The following TNFSF13 variants were observed in gnomAD, a reference collection of about 807,000 sequenced individuals.
TNFSF13 encodes tumor necrosis factor ligand superfamily member 13.
In TNFSF13, 18 loss-of-function variants were observed where a neutral mutation model predicts 30.7. That is an observed-to-expected ratio of 0.59 (90% confidence interval 0.41 to 0.87). TNFSF13 has a LOEUF of 0.87. Among genes scored for constraint, TNFSF13 ranks in the 40% least tolerant of loss-of-function variants. TNFSF13 has a pLI of 0.00. For synonymous variants in TNFSF13, 116 were observed against 123.2 expected, an observed-to-expected ratio of 0.94 and a Z score of 0.39; for missense variants, 286 against 308.8, an observed-to-expected ratio of 0.93 and a Z score of 0.55.
chr17:7,560,551 CT>C, intron 5 of TNFSF13, 63 bp downstream of exon 5: 2 of 1,611,548 alleles, frequency 1.2e-6, no homozygotes, highest in Non-Finnish European at 1.7e-6. Flanking sequence ...GTGCAGGGAG[CT>C]ACCGCTAGGA....
chr17:7,558,882 C>T lies in TNFSF13; in HGVS notation c.-158C>T. On this transcript the variant is annotated 5_prime_UTR_variant, in exon 1 of 6. Coordinates refer to ENST00000338784, the MANE Select transcript of TNFSF13 (RefSeq NM_003808.4). This position sits in a 1 kb window ranked among gnomAD's most constrained non-coding sequence, Gnocchi z 4.3. ...GAGCACTAACAGTACCCTTAGCTTG[C>T]TTTCCTCCTCCCTCCTTTTTATTTT... 1 of 728,900 alleles carries T rather than the reference C, an allele frequency of 1.4e-6. No homozygotes were observed. Among genetic ancestry groups the T allele is most frequent in the Non-Finnish European group, 2.1e-6 (1 of 481,178 alleles). 45.2% of individuals were successfully genotyped at this position (728,900 alleles called of 1,614,324 possible).
rs1403043532 is a variant in TNFSF13, at chr17:7,559,799, A to G, written c.338-47A>G. 1 of 1,614,092 alleles carries G rather than the reference A, an allele frequency of 6.2e-7. No individual in the cohort carries two copies. Among genetic ancestry groups the G allele is most frequent in the Non-Finnish European group, 8.5e-7 (1 of 1,180,010 alleles). ...TGAGGGTGGAGGCTGCCAACAGCAC[A>G]ACGGGGGAAAGTGGATGCGGCTGAG... is the stretch of plus-strand genomic sequence containing the variant. On this transcript the variant is annotated intron_variant, in intron 2 of 5. Coordinates refer to ENST00000338784, the MANE Select transcript of TNFSF13 (RefSeq NM_003808.4). The surrounding 1 kb of genome is among the most constrained non-coding windows in gnomAD (Gnocchi z 5.4).
chr17:7,559,003 C>A lies in TNFSF13; in HGVS notation c.-37C>A. The A allele has an allele frequency of 6.7e-7, 1 of 1,492,090 alleles. No homozygotes were observed. The allele number at this position is 1,492,090 out of a possible 1,614,324, so 92.4% of individuals were successfully genotyped here. A position where few individuals can be genotyped will look rare whatever the true frequency, so the allele number is the denominator to read the frequency against. ...GCCCCGCCACCTCCTTGCTACCCCA[C>A]TCTTGAAACCACAGCTGTTGGCAGG... On this transcript the variant is annotated 5_prime_UTR_variant, in exon 1 of 6. Coordinates refer to ENST00000338784, the MANE Select transcript of TNFSF13 (RefSeq NM_003808.4). The surrounding 1 kb of genome is among the most constrained non-coding windows in gnomAD (Gnocchi z 5.4).
chr17:7,561,203 GCTAGGGAAAACC>G lies in TNFSF13; in HGVS notation c.*372_*383del. 1.3e-6 allele frequency: 1 copy of G among 776,984 alleles called. No homozygotes were observed. The highest frequency in any genetic ancestry group is 2.1e-6 in the Non-Finnish European group (1 of 476,818). 48.1% of individuals were successfully genotyped at this position (776,984 alleles called of 1,614,324 possible). On this transcript the variant is annotated 3_prime_UTR_variant, in exon 6 of 6. Transcript: ENST00000338784. The surrounding 1 kb of genome is among the most constrained non-coding windows in gnomAD (Gnocchi z 4.4). ...GCCGAAGTCCACGAAGCCGCCCTCT[GCTAGGGAAAACC>G]CCTGGTTCTCCATGCCACACCTCTC... is the stretch of plus-strand genomic sequence containing the variant.
In TNFSF13 at chr17:7,561,206, A is replaced by G. The variant is rs1413448562; in HGVS notation, c.*373A>G. 6 of 745,522 alleles carry G rather than the reference A, an allele frequency of 8.0e-6. No homozygotes were observed. In the Admixed American group the frequency reaches 1.3e-4, roughly 16 times the overall value. The allele number at this position is 745,522 out of a possible 1,614,324, so 46.2% of individuals were successfully genotyped here. A position where few individuals can be genotyped will look rare whatever the true frequency, so the allele number is the denominator to read the frequency against. The stretch of plus-strand genomic sequence containing the variant: ...GAAGTCCACGAAGCCGCCCTCTGCT[A>G]GGGAAAACCCCTGGTTCTCCATGCC... On this transcript the variant is annotated 3_prime_UTR_variant, in exon 6 of 6. Transcript: ENST00000338784. This position sits in a 1 kb window ranked among gnomAD's most constrained non-coding sequence, Gnocchi z 4.4.
chr17:7,559,793 C>G lies in TNFSF13; in HGVS notation c.338-53C>G. 1 of 1,614,058 alleles carries G rather than the reference C, an allele frequency of 6.2e-7. No homozygotes were observed. Among genetic ancestry groups the G allele is most frequent in the South Asian group, 1.1e-5 (1 of 91,070 alleles). On this transcript the variant is annotated intron_variant, in intron 2 of 5. Transcript: ENST00000338784. This position sits in a 1 kb window ranked among gnomAD's most constrained non-coding sequence, Gnocchi z 5.4. ...TCAGGGTGAGGGTGGAGGCTGCCAA[C>G]AGCACAACGGGGGAAAGTGGATGCG...
Position 7,559,947 on chromosome 17 carries a change from G to A in TNFSF13, c.385+54G>A. The A allele has an allele frequency of 1.2e-6, 2 of 1,613,970 alleles. No homozygotes were observed. The highest frequency in any genetic ancestry group is 1.7e-6 in the Non-Finnish European group (2 of 1,180,014). The stretch of plus-strand genomic sequence containing the variant: ...GGGAGGGGCAATAACCAGGAACTCG[G>A]GCTGGCACTTGGGCTCAAGGGGTCC... On this transcript the variant is annotated intron_variant, in intron 3 of 5. Coordinates refer to ENST00000338784, the MANE Select transcript of TNFSF13 (RefSeq NM_003808.4). This position sits in a 1 kb window ranked among gnomAD's most constrained non-coding sequence, Gnocchi z 5.4.
Position 7,560,857 on chromosome 17 carries a change from A to C in TNFSF13, c.*24A>C. 1 of 1,613,814 alleles carries C rather than the reference A, an allele frequency of 6.2e-7. No homozygotes were observed. The highest frequency in any genetic ancestry group is 8.5e-7 in the Non-Finnish European group (1 of 1,179,758). On this transcript the variant is annotated 3_prime_UTR_variant, in exon 6 of 6. Coordinates refer to ENST00000338784, the MANE Select transcript of TNFSF13 (RefSeq NM_003808.4). ...GATTGTGTTATAAAAAGTGGCTCCC[A>C]GCTTGGAAGACCAGGGTGGGTACAT...
Position 7,560,158 on chromosome 17 carries a change from G to GTATAGC in TNFSF13, c.496_501dup (p.Tyr166_Ser167dup). 1.2e-6 allele frequency: 2 copies of GTATAGC among 1,614,136 alleles called. No individual in the cohort carries two copies. Among genetic ancestry groups the GTATAGC allele is most frequent in the Non-Finnish European group, 1.7e-6 (2 of 1,180,024 alleles). On this transcript the variant is annotated inframe_insertion, in exon 4 of 6. Transcript: ENST00000338784. ...TCCAGGATGCTGGAGTTTATCTGCT[G>GTATAGC]TATAGCCAGGTAACCCCAGCCACAC...
At position 7,559,559 on chromosome 17, in the gene TNFSF13, T is replaced by A; in HGVS notation, c.259-65T>A. ...AGGCATCTCGGGGGCAGGGGAGGGC[T>A]GGGAAGGCAGGCTGGCTGGGACCCT... On this transcript the variant is annotated intron_variant, in intron 1 of 5. Coordinates refer to ENST00000338784, the MANE Select transcript of TNFSF13 (RefSeq NM_003808.4). The surrounding 1 kb of genome is among the most constrained non-coding windows in gnomAD (Gnocchi z 5.4). 6.3e-7 allele frequency: 1 copy of A among 1,575,600 alleles called. No homozygotes were observed.
rs2071171178 is a variant in TNFSF13 at position 7,560,416 on chromosome 17, G to C, written c.571G>C (p.Glu191Gln). 1 of 1,614,076 alleles carries C rather than the reference G, an allele frequency of 6.2e-7. No homozygotes were observed. The highest frequency in any genetic ancestry group is 1.7e-5 in the Admixed American group (1 of 59,990). Residue 191 changes from glutamate (E) to glutamine (Q), a missense_variant, in exon 5 of 6, where the codon GAG becomes CAG. Physicochemically the swap from Glu to Gln is conservative, Grantham distance 29. Transcript: ENST00000338784. ...VVSREGQGRQETLFRCIRSMP... is the reference protein window; with the variant it reads ...VVSREGQGRQQTLFRCIRSMP... ...GTCTCGAGAAGGCCAAGGAAGGCAGGAGACTCTATTCCGATGTATAAGAAG... is the reference window on the plus strand; with the variant it reads ...GTCTCGAGAAGGCCAAGGAAGGCAGCAGACTCTATTCCGATGTATAAGAAG...
Position 7,559,535 on chromosome 17 carries a change from G to A in TNFSF13, c.259-89G>A, listed in dbSNP as rs2071137532. ...GGGAAAAGGTGCGTGAGAGATCTGA[G>A]GCATCTCGGGGGCAGGGGAGGGCTG... On this transcript the variant is annotated intron_variant, in intron 1 of 5. Coordinates refer to ENST00000338784, the MANE Select transcript of TNFSF13 (RefSeq NM_003808.4). This position sits in a 1 kb window ranked among gnomAD's most constrained non-coding sequence, Gnocchi z 5.4. 1 of 1,516,960 alleles carries A rather than the reference G, an allele frequency of 6.6e-7. No individual in the cohort carries two copies. The highest frequency in any genetic ancestry group is 8.9e-7 in the Non-Finnish European group (1 of 1,121,216). 94.0% of individuals were successfully genotyped at this position (1,516,960 alleles called of 1,614,324 possible). A position where few individuals can be genotyped will look rare whatever the true frequency, so the allele number is the denominator to read the frequency against.
rs1224238566 is a variant in TNFSF13, at chr17:7,560,977, C to A, written c.*144C>A. 6.2e-7 allele frequency: 1 copy of A among 1,614,062 alleles called. No individual in the cohort carries two copies. Among genetic ancestry groups the A allele is most frequent in the Non-Finnish European group, 8.5e-7 (1 of 1,180,030 alleles). On this transcript the variant is annotated 3_prime_UTR_variant, in exon 6 of 6. Coordinates refer to ENST00000338784, the MANE Select transcript of TNFSF13 (RefSeq NM_003808.4). ...TTTGGCTCCCCGTTCCTCACTTTTC[C>A]CTTTTCATTCCCACCCCCTAGACTT...
In TNFSF13 at chr17:7,560,745, G is replaced by A. The variant is rs1301857266; in HGVS notation, c.665G>A (p.Gly222Glu). The change falls in exon 6 of 6, where the codon GGG becomes GAG. Residue 222 changes from glycine to glutamate, a missense_variant. Physicochemically the swap from Gly to Glu is moderately conservative, Grantham distance 98. Coordinates refer to ENST00000338784, the MANE Select transcript of TNFSF13 (RefSeq NM_003808.4). Reference protein sequence around the residue: ...YSAGVFHLHQGDILSVIIPRA... With the variant: ...YSAGVFHLHQEDILSVIIPRA... ...TCAGGTGTCTTCCATTTACACCAAG[G>A]GGATATTCTGAGTGTCATAATTCCC... 1 of 1,614,050 alleles carries A rather than the reference G, an allele frequency of 6.2e-7. No individual in the cohort carries two copies. Among genetic ancestry groups the A allele is most frequent in the Non-Finnish European group, 8.5e-7 (1 of 1,180,048 alleles).
At position 7,561,052 on chromosome 17, in the gene TNFSF13, G is replaced by C. The variant is rs1268843846; in HGVS notation, c.*219G>C. On this transcript the variant is annotated 3_prime_UTR_variant, in exon 6 of 6. Coordinates refer to ENST00000338784, the MANE Select transcript of TNFSF13 (RefSeq NM_003808.4). This position sits in a 1 kb window ranked among gnomAD's most constrained non-coding sequence, Gnocchi z 4.4. ...GTTCCCCATGGAGCTCCGAATTCTT[G>C]CGTGTGTGTAGATGAGGGGCGGGGG... 18 of 1,613,824 alleles carry C rather than the reference G, an allele frequency of 1.1e-5. No homozygotes were observed. The Admixed American group carries it at 3.0e-4, about 27-fold the overall frequency.
At position 7,559,810 on chromosome 17, in the gene TNFSF13, G is replaced by A. The variant is rs749277057; in HGVS notation, c.338-36G>A. The stretch of plus-strand genomic sequence containing the variant: ...GCTGCCAACAGCACAACGGGGGAAA[G>A]TGGATGCGGCTGAGATTCCCTCCTT... On this transcript the variant is annotated intron_variant, in intron 2 of 5. Transcript: ENST00000338784. The surrounding 1 kb of genome is among the most constrained non-coding windows in gnomAD (Gnocchi z 5.4). 3.7e-6 allele frequency: 6 copies of A among 1,614,112 alleles called. No homozygotes were observed. Among genetic ancestry groups the A allele is most frequent in the Non-Finnish European group, 5.1e-6 (6 of 1,180,020 alleles).
rs2071152336 is a variant in TNFSF13, at chr17:7,559,920, TGGGGAGGGGCAATAACCAGGAACTC to T, written c.385+31_385+55del. On this transcript the variant is annotated intron_variant, in intron 3 of 5. Coordinates refer to ENST00000338784, the MANE Select transcript of TNFSF13 (RefSeq NM_003808.4). The surrounding 1 kb of genome is among the most constrained non-coding windows in gnomAD (Gnocchi z 5.4). ...TGAGCACTATTTTAAATAATGGCTTTGGGGAGGGGCAATAACCAGGAACTCGGGCTGGCACTTGGGCTCAAGGGGT... is the reference window on the plus strand; with the variant it reads ...TGAGCACTATTTTAAATAATGGCTTTGGGCTGGCACTTGGGCTCAAGGGGT... The T allele has an allele frequency of 1.9e-6, 3 of 1,613,974 alleles. No homozygotes were observed. The highest frequency in any genetic ancestry group is 1.7e-6 in the Non-Finnish European group (2 of 1,180,006).
Position 7,559,976 on chromosome 17 carries a change from T to C in TNFSF13, c.386-73T>C, listed in dbSNP as rs545306163. The C allele has an allele frequency of 1.2e-4, 188 of 1,613,904 alleles. No individual in the cohort carries two copies. The Middle Eastern group carries it at 3.1e-3, about 27-fold the overall frequency. On this transcript the variant is annotated intron_variant, in intron 3 of 5. Coordinates refer to ENST00000338784, the MANE Select transcript of TNFSF13 (RefSeq NM_003808.4). The surrounding 1 kb of genome is among the most constrained non-coding windows in gnomAD (Gnocchi z 5.4). ...GGCACTTGGGCTCAAGGGGTCCTTA[T>C]AGGTGAAAGGGAAAGAACCAAAAAG... is the stretch of plus-strand genomic sequence containing the variant.
In TNFSF13 at chr17:7,558,991, C is replaced by T. The variant is rs1393277350; in HGVS notation, c.-49C>T. 1.3e-6 allele frequency: 2 copies of T among 1,484,536 alleles called. No homozygotes were observed. Among genetic ancestry groups the T allele is most frequent in the Admixed American group, 4.6e-5 (2 of 43,576 alleles). 92.0% of individuals were successfully genotyped at this position (1,484,536 alleles called of 1,614,324 possible). ...GTACCCTTACCCGCCCCGCCACCTC[C>T]TTGCTACCCCACTCTTGAAACCACA... On this transcript the variant is annotated 5_prime_UTR_variant, in exon 1 of 6. Transcript: ENST00000338784. The surrounding 1 kb of genome is among the most constrained non-coding windows in gnomAD (Gnocchi z 4.3).
Sources: gnomAD v4.1 joint callset for allele counts on GRCh38, gnomAD v4.1.1 for gene constraint, Gnocchi (gnomAD v3.1) non-coding constraint, MANE v1.5 for transcripts, NCBI Gene and HGNC (gene_info 2026-07-23, HGNC 2026-07-21) for gene names.